The following TBL3 variants were observed in gnomAD, a reference collection of about 807,000 sequenced individuals.
TBL3 encodes the protein transducin beta-like protein 3.
Under a neutral mutation model 102.7 loss-of-function variants are expected in TBL3, and 71 were observed. That is an observed-to-expected ratio of 0.69 (90% CI 0.57 to 0.84). The LOEUF (loss-of-function observed/expected upper bound fraction) is 0.84, where lower values mean the gene tolerates loss of function less well. Among genes scored for constraint, TBL3 ranks in the 40% least tolerant of loss-of-function variants. The pLI is 0.00. For synonymous variants in TBL3, 578 were observed against 477.7 expected (o/e 1.21, Z -2.74); for missense variants, 1,188 against 1,098.5 (o/e 1.08, Z -1.15).
chr16:1,979,830 C>T lies in TBL3; in HGVS notation c.*1145C>T, dbSNP rs746806483. ...ACGGGCCTCCCTCCCGGCCTTGGCCCGGGGCCGCCTCCTCCAGGTAGGGCG... is the reference window on the plus strand; with the variant it reads ...ACGGGCCTCCCTCCCGGCCTTGGCCTGGGGCCGCCTCCTCCAGGTAGGGCG... On this transcript the variant is annotated 3_prime_UTR_variant, in exon 22 of 22. Transcript: ENST00000568546. 4.0e-5 allele frequency: 63 copies of T among 1,572,268 alleles called. No homozygotes were observed. The South Asian group carries it at 6.4e-4, about 16-fold the overall frequency.
chr16:1,973,740 C>T (rs937053603), intron 1 of TBL3, among the ~76,000 whole-genome samples: 1 of 152,174 alleles, frequency 6.6e-6, no homozygotes, highest in Non-Finnish European at 1.5e-5. Context: ...CAGGGGTGTT[C>T]CCAAGGAGCC....
At position 1,976,843 on chromosome 16, in the gene TBL3, G is replaced by A. The variant is rs777192145; in HGVS notation, c.1322G>A (p.Ser441Asn). The A allele has an allele frequency of 1.2e-6, 2 of 1,613,620 alleles. No homozygotes were observed. Among genetic ancestry groups the A allele is most frequent in the African/African-American group, 2.7e-5 (2 of 74,908 alleles). ...RLKESFLVTG[S>N]QDCTVKLWPL... Reference sequence around the variant, plus strand: ...AAGGAGTCCTTCCTGGTGACAGGCAGCCAGGACTGCACTGTGAAGCTGTGG... The same window carrying A: ...AAGGAGTCCTTCCTGGTGACAGGCAACCAGGACTGCACTGTGAAGCTGTGG... Residue 441 changes from serine (S) to asparagine (N), a missense_variant, in exon 14 of 22, where the codon AGC (serine) becomes AAC (asparagine). Physicochemically the swap from Ser to Asn is conservative, Grantham distance 46. Coordinates refer to ENST00000568546, the MANE Select transcript of TBL3 (RefSeq NM_006453.3).
rs2083462284 is a variant in TBL3, at chr16:1,979,853, G to A, written c.*1168G>A. 2.5e-6 allele frequency: 4 copies of A among 1,581,146 alleles called. No individual in the cohort carries two copies. Among genetic ancestry groups the A allele is most frequent in the African/African-American group, 1.4e-5 (1 of 74,060 alleles). On this transcript the variant is annotated 3_prime_UTR_variant, in exon 22 of 22. Transcript: ENST00000568546. ...CCCGGGGCCGCCTCCTCCAGGTAGGGCGCTGGAAACCAGGCGGTCTGCCGG... is the reference window on the plus strand; with the variant it reads ...CCCGGGGCCGCCTCCTCCAGGTAGGACGCTGGAAACCAGGCGGTCTGCCGG...
At chr16:1,974,156 G>T (rs370267277) in intron 2 of TBL3, 41 bp from the exon 3 acceptor site, 1 of 1,564,480 alleles carries the variant, frequency 6.4e-7, no homozygotes. Context: ...AGGCCGCGGG[G>T]GGTGCTGAAT....
chr16:1,978,003 G>A lies in TBL3; in HGVS notation c.2004G>A (p.Arg668=), dbSNP rs763764812. 23 of 1,607,216 alleles carry A rather than the reference G, an allele frequency of 1.4e-5. No homozygotes were observed. The South Asian group carries it at 1.4e-4, about 10-fold the overall frequency. The part of the protein sequence containing the change: ...DNLLHEKRYL[R]ALGLAISLDR... Reference sequence around the variant, plus strand: ...TGCTGCATGAGAAGCGGTACCTGCGGGCGCTGGGCCTGGCCATCTCCCTGG... The same window carrying A: ...TGCTGCATGAGAAGCGGTACCTGCGAGCGCTGGGCCTGGCCATCTCCCTGG... The change falls in exon 19 of 22, where the codon CGG becomes CGA. Residue 668 remains arginine, a synonymous_variant. Transcript: ENST00000568546.
chr16:1,974,869 G>T (rs368757372), intron 6 of TBL3, 22 bp downstream of exon 6: 2 of 1,613,034 alleles, frequency 1.2e-6, no homozygotes, highest in Non-Finnish European at 1.7e-6. Flanking sequence ...GGTGGAGGGG[G>T]AGGGCAGAGG....
Position 1,974,277 on chromosome 16 carries a change from G to A in TBL3, c.174G>A (p.Leu58=), listed in dbSNP as rs898793311. The A allele has an allele frequency of 6.3e-7, 1 of 1,597,182 alleles. No individual in the cohort carries two copies. Among genetic ancestry groups the A allele is most frequent in the African/African-American group, 1.3e-5 (1 of 74,732 alleles). Residue 58 remains leucine, a synonymous_variant, in exon 3 of 22, where the codon CTG becomes CTA. Transcript: ENST00000568546. ...TGGAAGTGGCCTCGGGGGCCGTGCT[G>A]CGGAGTCTGGAGCAGGTGAGGGCAG... is the stretch of plus-strand genomic sequence containing the variant. ...NILEVASGAV[L]RSLEQEDQED...
rs35189805 is a variant in TBL3, at chr16:1,974,558, G to A, written c.258G>A (p.Arg86=). The A allele has an allele frequency of 3.8e-3, 6,058 of 1,609,480 alleles. 214 individuals are homozygous for A. The African/African-American group carries it at 0.073, about 19-fold the overall frequency. ...PDNEVLVTAS[R]ALLLAQWAWQ... is the part of the protein sequence containing the mutation. ...CCCAGGTGCTGGTGACAGCCAGTCG[G>A]GCATTGCTGCTGGCTCAGTGGGCCT... Residue 86 remains arginine (R), a synonymous_variant, in exon 5 of 22, where the codon CGG becomes CGA. Transcript: ENST00000568546.
chr16:1,976,496 G>C (rs2083403035), intron 13 of TBL3, among the ~76,000 whole-genome samples, 182 bp downstream of exon 13: 1 of 152,218 alleles, frequency 6.6e-6, no homozygotes, highest in African/African-American at 2.4e-5. Flanking sequence ...TCAGTCCTCA[G>C]AAGTAGCCCT....
intron 6 of TBL3, 29 bp from the exon 7 acceptor site, chr16:1,974,899 C>T: frequency 6.2e-7 from 1 of 1,612,454 alleles, no homozygotes; most frequent in Non-Finnish European, 8.5e-7. Flanking sequence ...GGCTGCACAG[C>T]TCACCCATCC....
At position 1,976,106 on chromosome 16, in the gene TBL3, T is replaced by C; in HGVS notation, c.1180T>C (p.Cys394Arg). 1 of 1,614,178 alleles carries C rather than the reference T, an allele frequency of 6.2e-7. No individual in the cohort carries two copies. The highest frequency in any genetic ancestry group is 1.3e-5 in the African/African-American group (1 of 75,074). ...VFRKGWLFAS[C>R]AKDQSVRIWR... ...CCGGAAGGGGTGGCTCTTTGCCAGC[T>C]GTGCCAAGGTGAGGCACCCTGAGAG... Residue 394 changes from cysteine (C) to arginine (R), a missense_variant, in exon 12 of 22, where the codon TGT becomes CGT. Transcript: ENST00000568546.
chr16:1,978,849 C>G lies in TBL3; in HGVS notation c.*164C>G. 1.8e-6 allele frequency: 2 copies of G among 1,142,836 alleles called. No individual in the cohort carries two copies. Among genetic ancestry groups the G allele is most frequent in the Admixed American group, 2.5e-5 (1 of 39,434 alleles). The allele number at this position is 1,142,836 out of a possible 1,614,324, so 70.8% of individuals were successfully genotyped here. A position where few individuals can be genotyped will look rare whatever the true frequency, so the allele number is the denominator to read the frequency against. ...CTGGAGCTGATGGTCTCGGCCCTGCCACGCCCATCCCGCACCCTGGCCTGG... is the reference window on the plus strand; with the variant it reads ...CTGGAGCTGATGGTCTCGGCCCTGCGACGCCCATCCCGCACCCTGGCCTGG... On this transcript the variant is annotated 3_prime_UTR_variant, in exon 22 of 22. Transcript: ENST00000568546.
At position 1,974,178 on chromosome 16, in the gene TBL3, G is replaced by A. The variant is rs773893272; in HGVS notation, c.94-19G>A. 6.4e-7 allele frequency: 1 copy of A among 1,566,896 alleles called. No homozygotes were observed. On this transcript the variant is annotated intron_variant, in intron 2 of 21. Coordinates refer to ENST00000568546, the MANE Select transcript of TBL3 (RefSeq NM_006453.3). ...GGGGGGTGCTGAATGTTGCCTGGCT[G>A]AGACCTCTCTGTCCCCAGCTGGACC...
rs1391061858 is a variant in TBL3, at chr16:1,978,674, G to C, written c.2416G>C (p.Ala806Pro). The C allele has an allele frequency of 9.3e-6, 15 of 1,611,404 alleles. No homozygotes were observed. The highest frequency in any genetic ancestry group is 1.2e-5 in the Non-Finnish European group (14 of 1,179,056). ...CACCCCCTGGGAAACCCATAAAGGCGCACTGCCCTAGCCGGTCCGGCCTCT... is the reference window on the plus strand; with the variant it reads ...CACCCCCTGGGAAACCCATAAAGGCCCACTGCCCTAGCCGGTCCGGCCTCT... ...APTPWETHKGALP is the reference protein window; with the variant it reads ...APTPWETHKGPLP The change falls in exon 22 of 22, where the codon GCA becomes CCA. Residue 806 changes from alanine (A) to proline (P), a missense_variant. Coordinates refer to ENST00000568546, the MANE Select transcript of TBL3 (RefSeq NM_006453.3).
rs1053553576 is a variant in TBL3, at chr16:1,978,762, C to T, written c.*77C>T. On this transcript the variant is annotated 3_prime_UTR_variant, in exon 22 of 22. Coordinates refer to ENST00000568546, the MANE Select transcript of TBL3 (RefSeq NM_006453.3). ...GCCGCTCTCCTGGCCGGCTCTGTCT[C>T]TCTGGACTGCAGTCCAGCCCCCCAC... 6.5e-6 allele frequency: 10 copies of T among 1,536,012 alleles called. No individual in the cohort carries two copies. The South Asian group carries it at 9.7e-5, about 15-fold the overall frequency.
At position 1,975,204 on chromosome 16, in the gene TBL3, T is replaced by C; in HGVS notation, c.653T>C (p.Ile218Thr). 1 of 1,613,836 alleles carries C rather than the reference T, an allele frequency of 6.2e-7. No homozygotes were observed. Among genetic ancestry groups the C allele is most frequent in the Non-Finnish European group, 8.5e-7 (1 of 1,180,012 alleles). Reference sequence around the variant, plus strand: ...TCCTTCAGCTCCGGCCGTGACAAGATATGTATCATCTGGGACCTTCAGAGC... The same window carrying C: ...TCCTTCAGCTCCGGCCGTGACAAGACATGTATCATCTGGGACCTTCAGAGC... ...HTMLSSGRDK[I>T]CIIWDLQSCQ... The change falls in exon 8 of 22, where the codon ATA becomes ACA. Residue 218 changes from isoleucine to threonine, a missense_variant. Physicochemically the swap from Ile to Thr is moderately conservative, Grantham distance 89 (BLOSUM62 -1). Transcript: ENST00000568546.
At position 1,973,774 on chromosome 16, in the gene TBL3, C is replaced by T. The variant is rs577147022; in HGVS notation, c.42-282C>T. ...CCCCCTGGCTCTCACTGGGGAATCCCTGGAAGCCCTGGGCTGTTGGGCTGA... is the reference window on the plus strand; with the variant it reads ...CCCCCTGGCTCTCACTGGGGAATCCTTGGAAGCCCTGGGCTGTTGGGCTGA... On this transcript the variant is annotated intron_variant, in intron 1 of 21. Coordinates refer to ENST00000568546, the MANE Select transcript of TBL3 (RefSeq NM_006453.3). 2.4e-3 allele frequency among the ~76,000 whole-genome samples: 373 copies of T among 152,284 alleles called. 1 individual carries two copies. Among genetic ancestry groups the T allele is most frequent in the African/African-American group, 8.8e-3 (366 of 41,572 alleles).
intron 1 of TBL3, among the ~76,000 whole-genome samples, 189 bp from the exon 2 acceptor site, chr16:1,973,867 T>C (rs1417034925): frequency 2.0e-5 from 3 of 152,174 alleles, no homozygotes; most frequent in Non-Finnish European, 2.9e-5. Flanking sequence ...TCTCTACTTC[T>C]CAGTGACGAC....
At position 1,979,374 on chromosome 16, in the gene TBL3, G is replaced by A. The variant is rs754822620; in HGVS notation, c.*689G>A. 9.4e-6 allele frequency: 15 copies of A among 1,588,072 alleles called. No homozygotes were observed. In the African/African-American group the frequency reaches 1.5e-4, roughly 16 times the overall value. On this transcript the variant is annotated 3_prime_UTR_variant, in exon 22 of 22. Transcript: ENST00000568546. ...CCTGCGAGGGGCGGGGTGTGGTTAG[G>A]GCCCCGCCCGCCTCGGCTAGCCTGC...
Sources: allele counts gnomAD v4.1 joint callset (sites outside exome capture counted in the v4.1 genomes callset), GRCh38; gene constraint gnomAD v4.1.1; transcripts MANE v1.5; gene names NCBI Gene and HGNC (gene_info 2026-07-23, HGNC 2026-07-21).